Variants in ZNF263 observed in about 807,000 individuals in gnomAD.
ZNF263 encodes zinc finger protein 263, also known as zinc finger protein FPM315.
In ZNF263, 49 loss-of-function variants were observed where a neutral mutation model predicts 63.1. That is an observed-to-expected ratio of 0.78 (90% CI 0.62 to 0.99). ZNF263 has a LOEUF of 0.99. ZNF263 is among the 50% of genes least tolerant of loss of function. The probability of loss-of-function intolerance (pLI) is 0.00; values close to 1 mark genes in which losing one functional copy is unlikely to be tolerated. For synonymous variants in ZNF263, 352 were observed against 324.2 expected (o/e 1.09, Z -0.92); for missense variants, 872 against 854.8 (o/e 1.02, Z -0.25).
In ZNF263 at chr16:3,289,934, C is replaced by A. The variant is rs1275337657; in HGVS notation, c.1428C>A (p.Asn476Lys). The change falls in exon 6 of 6, where the codon AAC becomes AAA. Residue 476 changes from asparagine to lysine, a missense_variant. Asn to Lys is a moderately conservative substitution (Grantham distance 94). Coordinates refer to ENST00000219069, the MANE Select transcript of ZNF263 (RefSeq NM_005741.5). ...ICGKCFSCNS[N>K]LHRHQRTHTG... ...GAAAATGTTTCTCCTGCAACTCCAA[C>A]CTCCACAGGCACCAGAGAACGCACA... The A allele has an allele frequency of 6.2e-7, 1 of 1,614,038 alleles. No homozygotes were observed. The highest frequency in any genetic ancestry group is 8.5e-7 in the Non-Finnish European group (1 of 1,180,046).
chr16:3,286,126 G>A lies in ZNF263; in HGVS notation c.746G>A (p.Ser249Asn). 1 of 1,600,446 alleles carries A rather than the reference G, an allele frequency of 6.2e-7. No individual in the cohort carries two copies. Among genetic ancestry groups the A allele is most frequent in the Non-Finnish European group, 8.5e-7 (1 of 1,176,302 alleles). ...RALSRDTVQESYENVDSLESH... is the reference protein window; with the variant it reads ...RALSRDTVQENYENVDSLESH... ...CTCTCCAGGGACACGGTGCAGGAGA[G>A]TTATGAGAATGTGGACTCACTGGGT... The change falls in exon 4 of 6, where the codon AGT becomes AAT. Residue 249 changes from serine to asparagine, a missense_variant. Ser to Asn is a conservative substitution (Grantham distance 46). Transcript: ENST00000219069.
chr16:3,299,053 T>C, intron 1 of ZNF263: 1 of 1,394,088 alleles, frequency 7.2e-7, no homozygotes, highest in African/African-American at 1.5e-5. Context: ...AATTCTAGAA[T>C]GGATTTTACT....
At chr16:3,294,856 C>T (rs543598664), downstream of ZNF263, among the ~76,000 whole-genome samples, 1 of 152,306 alleles carries the variant, frequency 6.6e-6, no homozygotes, top group East Asian at 1.9e-4. Context: ...TTTCTCCAGG[C>T]AGCGAGAACG....
At chr16:3,297,418 T>A (rs1959780638) in intron 1 of ZNF263, among the ~76,000 whole-genome samples, 1 of 151,466 alleles carries the variant, frequency 6.6e-6, no homozygotes, top group Admixed American at 6.6e-5. Flanking sequence ...TGCCTAGTAT[T>A]CACCAGTGTA....
In ZNF263 at chr16:3,283,657, G is replaced by T; in HGVS notation, c.-162G>T. The T allele has an allele frequency of 1.7e-6, 2 of 1,208,008 alleles. No homozygotes were observed. Among genetic ancestry groups the T allele is most frequent in the Admixed American group, 3.9e-5 (1 of 25,494 alleles). 74.8% of individuals were successfully genotyped at this position (1,208,008 alleles called of 1,614,324 possible). A position where few individuals can be genotyped will look rare whatever the true frequency, so the allele number is the denominator to read the frequency against. ...GCCTGGGACCGACTGAGGCCTAGGCGCCGGAGCCGGCCGCGCCTGGGCTGG... is the reference window on the plus strand; with the variant it reads ...GCCTGGGACCGACTGAGGCCTAGGCTCCGGAGCCGGCCGCGCCTGGGCTGG... On this transcript the variant is annotated 5_prime_UTR_variant, in exon 1 of 6. Transcript: ENST00000219069.
Position 3,297,648 on chromosome 16 carries a change from T to G in ZNF263, c.152-1458T>G, listed in dbSNP as rs561726423. 2.2e-4 allele frequency among the ~76,000 whole-genome samples: 34 copies of G among 151,556 alleles called. No individual in the cohort carries two copies. The East Asian group carries it at 3.5e-3, about 16-fold the overall frequency. On this transcript the variant is annotated intron_variant, in intron 1 of 2. Coordinates refer to the ZNF263 transcript ENST00000574674. ...CCCGGCTAATTTTTTGTATTTTTAG[T>G]AGAAACGGGGTTTCACCATGTTAGC...
rs749719469 is a variant in ZNF263 at position 3,290,276 on chromosome 16, C to T, written c.1770C>T (p.Leu590=). ...CGKSFRQGMH[L]TRHQRTHTGE... ...AAAGCTTCCGGCAGGGCATGCACCT[C>T]ACCAGACATCAGAGAACACACACAG... Residue 590 remains leucine (L), a synonymous_variant, in exon 6 of 6, where the codon CTC becomes CTT. Transcript: ENST00000219069. The T allele has an allele frequency of 6.2e-7, 1 of 1,614,116 alleles. No homozygotes were observed. Among genetic ancestry groups the T allele is most frequent in the East Asian group, 2.2e-5 (1 of 44,872 alleles).
chr16:3,286,095 A>G lies in ZNF263; in HGVS notation c.715A>G (p.Arg239Gly). The G allele has an allele frequency of 6.2e-7, 1 of 1,611,724 alleles. No homozygotes were observed. The highest frequency in any genetic ancestry group is 8.5e-7 in the Non-Finnish European group (1 of 1,179,248). ...GTGGGGGCATCAGGATCCTAGTAAG[A>G]GGGCCCTCTCCAGGGACACGGTGCA... ...EEWGHQDPSK[R>G]ALSRDTVQES... Residue 239 changes from arginine to glycine, a missense_variant, in exon 4 of 6, where the codon AGG (arginine) becomes GGG (glycine). Physicochemically the swap from Arg to Gly is moderately radical, Grantham distance 125. Coordinates refer to ENST00000219069, the MANE Select transcript of ZNF263 (RefSeq NM_005741.5).
downstream of ZNF263, among the ~76,000 whole-genome samples, chr16:3,296,327 TTGA>T (rs1959743872): frequency 6.6e-6 from 1 of 152,190 alleles, no homozygotes; most frequent in African/African-American, 2.4e-5. Context: ...ATGATGATGT[TTGA>T]TGCAAAGACC....
chr16:3,299,007 C>G, intron 1 of ZNF263: 2 of 1,350,060 alleles, frequency 1.5e-6, no homozygotes, highest in East Asian at 5.5e-5. Context: ...TGAAGGAGTC[C>G]TTAATATTAT....
Position 3,299,782 on chromosome 16 carries a change from T to C in ZNF263, c.*46+626T>C, listed in dbSNP as rs1208871076. ...GTCATGAAATCTTAGAACATTAAGT[T>C]GAAAATGTCGGACCTCAGGAACAAA... On this transcript the variant is annotated intron_variant, in intron 2 of 2. Coordinates refer to the ZNF263 transcript ENST00000574674. The C allele has an allele frequency of 1.9e-6, 3 of 1,568,974 alleles. No homozygotes were observed. In the South Asian group the frequency reaches 3.7e-5, roughly 19 times the overall value.
chr16:3,295,125 T>G (rs1315736335), downstream of ZNF263, among the ~76,000 whole-genome samples: 1 of 152,148 alleles, frequency 6.6e-6, no homozygotes, highest in African/African-American at 2.4e-5. Context: ...AGACTCCCTT[T>G]TCAGGCTTGG....
chr16:3,299,117 A>G (rs1959853121), exon 2 of ZNF263: 1 of 1,460,178 alleles, frequency 6.8e-7, no homozygotes, highest in South Asian at 1.6e-5. Flanking sequence ...GTGAAGTGGA[A>G]TCTCTGAAAC....
rs1286864468 is a variant in ZNF263 at position 3,290,553 on chromosome 16, GGTTA to G, written c.2050_*1del. On this transcript the variant is annotated frameshift_variant and stop_lost, in exon 6 of 6. Transcript: ENST00000219069. LOFTEE classifies it high-confidence loss of function. ...TATGAGTCATCAGAGAACTCACACA[GGTTA>G]GTAACAGTGGGGTTTCTCTTTGCCC... 6.2e-7 allele frequency: 1 copy of G among 1,604,172 alleles called. No individual in the cohort carries two copies. The highest frequency in any genetic ancestry group is 8.5e-7 in the Non-Finnish European group (1 of 1,174,944).
chr16:3,283,922 C>A lies in ZNF263; in HGVS notation c.104C>A (p.Pro35Gln). 1.2e-6 allele frequency: 2 copies of A among 1,613,606 alleles called. No individual in the cohort carries two copies. Among genetic ancestry groups the A allele is most frequent in the Non-Finnish European group, 8.5e-7 (1 of 1,179,982 alleles). ...GAGCTGCCCCCACCTGACCCAGGAC[C>A]GAGCCCCGAGGCCTCCCACTTGCGC... Reference protein sequence around the residue: ...SQELPPPDPGPSPEASHLRFR... With the variant: ...SQELPPPDPGQSPEASHLRFR... The change falls in exon 1 of 6, where the codon CCG (proline) becomes CAG (glutamine). Residue 35 changes from proline to glutamine, a missense_variant. By Grantham distance (76) the Pro-to-Gln change is moderately conservative (BLOSUM62 -1). Transcript: ENST00000219069.
intron 1 of ZNF263, among the ~76,000 whole-genome samples, chr16:3,297,730 C>T (rs2150778072): frequency 6.6e-6 from 1 of 152,168 alleles, no homozygotes; most frequent in South Asian, 2.1e-4. Flanking sequence ...TCCCAAAGTG[C>T]TGGGATTACA....
At chr16:3,297,126 A>T (rs1250800001) in intron 1 of ZNF263, among the ~76,000 whole-genome samples, 1 of 151,916 alleles carries the variant, frequency 6.6e-6, no homozygotes, top group Non-Finnish European at 1.5e-5. Flanking sequence ...AACATGGTGA[A>T]ACCTCGTCTC....
In ZNF263 at chr16:3,283,766, C is replaced by G. The variant is rs765401371; in HGVS notation, c.-53C>G. On this transcript the variant is annotated 5_prime_UTR_variant, in exon 1 of 6. Transcript: ENST00000219069. ...CCAACCTTACATGGGTTCAGGGCGCCTTCGTAGGCGGGCACGGCTGGTTTC... is the reference window on the plus strand; with the variant it reads ...CCAACCTTACATGGGTTCAGGGCGCGTTCGTAGGCGGGCACGGCTGGTTTC... 5.7e-5 allele frequency: 85 copies of G among 1,496,142 alleles called. 1 individual carries two copies. The highest frequency in any genetic ancestry group is 7.3e-5 in the Non-Finnish European group (82 of 1,129,252). 92.7% of individuals were successfully genotyped at this position (1,496,142 alleles called of 1,614,324 possible). A position where few individuals can be genotyped will look rare whatever the true frequency, so the allele number is the denominator to read the frequency against.
chr16:3,294,701 G>A (rs1025831280), downstream of ZNF263, among the ~76,000 whole-genome samples: 4 of 152,128 alleles, frequency 2.6e-5, no homozygotes, highest in Non-Finnish European at 5.9e-5. Context: ...GAGGAAAAAT[G>A]ACTCAGATCA....
Sources: allele counts gnomAD v4.1 joint callset (sites outside exome capture counted in the v4.1 genomes callset), GRCh38; gene constraint gnomAD v4.1.1; transcripts MANE v1.5; gene names NCBI Gene and HGNC (gene_info 2026-07-23, HGNC 2026-07-21).